Variants in KCNJ16 observed in about 807,000 individuals in gnomAD.
KCNJ16 encodes the protein potassium inwardly rectifying channel subfamily J member 16.
KCNJ16 carries 15 observed loss-of-function variants against 18.5 expected under a neutral mutation model. The ratio of observed to expected loss-of-function variants is 0.81; its 90% CI spans 0.54 to 1.25. The LOEUF (loss-of-function observed/expected upper bound fraction) is 1.25. Ranked by LOEUF, KCNJ16 falls within the 50% of genes most tolerant of loss-of-function variation. The pLI is 0.00. For synonymous variants in KCNJ16, 174 were observed against 186.5 expected (o/e 0.93, Z 0.55); for missense variants, 523 against 525.7 (o/e 0.99, Z 0.05).
chr17:70,094,115 G>C (rs1598107839), intron 1 of KCNJ16, among the ~76,000 whole-genome samples: 1 of 152,294 alleles, frequency 6.6e-6, no homozygotes, highest in South Asian at 2.1e-4. Context: ...CTTCCATAAT[G>C]TCTCTTGTGC....
intron 3 of KCNJ16, 21 bp from the exon 4 acceptor site, chr17:70,131,974 T>A (rs1482795789): frequency 1.3e-6 from 2 of 1,536,790 alleles, no homozygotes; most frequent in Non-Finnish European, 1.7e-6. Context: ...AAAGTGTGTT[T>A]TTGTTGTTGT....
intron 2 of KCNJ16, 198 bp downstream of exon 2, chr17:70,100,964 G>A (rs1056130852): frequency 5.9e-5 from 9 of 152,140 alleles, no homozygotes; most frequent in East Asian, 1.9e-4. Flanking sequence ...CATTTTACAC[G>A]TTTACTGCCT....
intron 2 of KCNJ16, among the ~76,000 whole-genome samples, chr17:70,105,891 G>T (rs745764346): frequency 1.3e-5 from 2 of 152,160 alleles, no homozygotes; most frequent in Non-Finnish European, 2.9e-5. Flanking sequence ...CTGGCCATGG[G>T]TTTAGCCATA....
intron 2 of KCNJ16, among the ~76,000 whole-genome samples, chr17:70,107,358 T>C (rs2072978477): frequency 6.6e-6 from 1 of 152,124 alleles, no homozygotes; most frequent in African/African-American, 2.4e-5. Flanking sequence ...TGAGCTTGGG[T>C]CACCTTCAAG....
chr17:70,088,021 C>CAAAAAAAA lies in KCNJ16; in HGVS notation c.-299-12624_-299-12617dup, dbSNP rs10661960. The stretch of plus-strand genomic sequence containing the variant: ...TGGGCGACAGAGCAAGACTCTGTCT[C>CAAAAAAAA]AAAAAAAAAAAAAAAAAAAAGTAAA... On this transcript the variant is annotated intron_variant, in intron 1 of 3. Transcript: ENST00000392671. 4.4e-4 allele frequency among the ~76,000 whole-genome samples: 35 copies of CAAAAAAAA among 79,406 alleles called. 1 individual carries two copies. Among genetic ancestry groups the CAAAAAAAA allele is most frequent in the African/African-American group, 1.4e-3 (26 of 18,498 alleles). The allele number at this position is 79,406 out of a possible 152,430, so 52.1% of individuals were successfully genotyped here.
At chr17:70,121,383 G>GA (rs1276019882) in intron 2 of KCNJ16, among the ~76,000 whole-genome samples, 4 of 152,086 alleles carry the variant, frequency 2.6e-5, no homozygotes, top group African/African-American at 9.7e-5. Context: ...TTCATTTACA[G>GA]AAACAACTCA....
chr17:70,102,937 T>C (rs2072708760), intron 2 of KCNJ16, among the ~76,000 whole-genome samples: 1 of 151,752 alleles, frequency 6.6e-6, no homozygotes, highest in Non-Finnish European at 1.5e-5. Flanking sequence ...TTTTTCTTTT[T>C]CCTTTCCTTT....
intron 1 of KCNJ16, among the ~76,000 whole-genome samples, chr17:70,099,966 C>G (rs2072550781): frequency 6.6e-6 from 1 of 152,156 alleles, no homozygotes. Context: ...GAAAATACAT[C>G]AGAGGGATTC....
chr17:70,090,426 T>C (rs1438277498), intron 1 of KCNJ16, among the ~76,000 whole-genome samples: 3 of 152,206 alleles, frequency 2.0e-5, no homozygotes, highest in African/African-American at 7.2e-5. Flanking sequence ...TGGACTTTAT[T>C]TTCCCAGGTA....
At chr17:70,128,049 A>G (rs532048540) in intron 2 of KCNJ16, 8 of 152,324 alleles carry the variant, frequency 5.3e-5, no homozygotes, top group Admixed American at 3.9e-4. Flanking sequence ...TTTGAAGAGC[A>G]ATCTACAAGA....
chr17:70,096,502 C>T (rs2072380845), intron 1 of KCNJ16: 1 of 154,572 alleles, frequency 6.5e-6, no homozygotes, highest in Non-Finnish European at 1.4e-5. Flanking sequence ...ACATTAGCAC[C>T]TACCTTCTAA....
chr17:70,101,485 T>C (rs2143840673), intron 2 of KCNJ16: 1 of 152,236 alleles, frequency 6.6e-6, no homozygotes, highest in East Asian at 1.9e-4. Flanking sequence ...AATTTAACCA[T>C]CTGGTGTTTC....
At chr17:70,092,355 A>G (rs2072126251) in intron 1 of KCNJ16, among the ~76,000 whole-genome samples, 1 of 152,172 alleles carries the variant, frequency 6.6e-6, no homozygotes, top group Admixed American at 6.5e-5. Context: ...ATGTTTTACA[A>G]CCTAAGAATA....
chr17:70,120,847 A>T (rs1427085287), intron 2 of KCNJ16, among the ~76,000 whole-genome samples: 1 of 152,238 alleles, frequency 6.6e-6, no homozygotes, highest in Non-Finnish European at 1.5e-5. Flanking sequence ...AAACTGTATC[A>T]CAGATTAACA....
At chr17:70,089,102 C>G (rs1490290410) in intron 1 of KCNJ16, among the ~76,000 whole-genome samples, 2 of 152,162 alleles carry the variant, frequency 1.3e-5, no homozygotes, top group Non-Finnish European at 2.9e-5. Flanking sequence ...GTATGTAACA[C>G]AGGAATACAA....
In KCNJ16 at chr17:70,088,464, G is replaced by T. The variant is rs112876465; in HGVS notation, c.-299-12194G>T. Among the ~76,000 whole-genome samples, 662 of 152,320 alleles carry T rather than the reference G, an allele frequency of 4.3e-3. 2 individuals are homozygous for T. Among genetic ancestry groups the T allele is most frequent in the African/African-American group, 6.4e-3 (265 of 41,566 alleles). ...CCCGGTTCCTAACAGGCCATGGACT[G>T]GTCCCGGTCCCTGGCCTGGGGGTTG... On this transcript the variant is annotated intron_variant, in intron 1 of 3. Coordinates refer to ENST00000392671, the MANE Select transcript of KCNJ16 (RefSeq NM_170741.4).
At chr17:70,115,634 C>T (rs1024711858) in intron 2 of KCNJ16, among the ~76,000 whole-genome samples, 1 of 151,982 alleles carries the variant, frequency 6.6e-6, no homozygotes, top group East Asian at 1.9e-4. Context: ...CAAAAGGAGG[C>T]ACCAAAAAGG....
chr17:70,080,810 G>T (rs2071519808), intron 1 of KCNJ16, among the ~76,000 whole-genome samples: 1 of 152,166 alleles, frequency 6.6e-6, no homozygotes, highest in African/African-American at 2.4e-5. Flanking sequence ...TCTACTTCGG[G>T]AAAATAATCT....
intron 3 of KCNJ16, chr17:70,131,286 T>C (rs2074050462): frequency 1.8e-6 from 2 of 1,102,588 alleles, no homozygotes; most frequent in South Asian, 6.2e-5. Flanking sequence ...TTCTGAAAGC[T>C]TACCTGGGAG....
Sources: gnomAD v4.1 joint callset for allele counts (sites outside exome capture counted in the v4.1 genomes callset) on GRCh38, gnomAD v4.1.1 for gene constraint, MANE v1.5 for transcripts, NCBI Gene and HGNC (gene_info 2026-07-23, HGNC 2026-07-21) for gene names.